MBIP: variants seen among roughly 807,000 people sequenced by gnomAD.
MBIP encodes MAP3K12-binding inhibitory protein 1.
In MBIP, 32 loss-of-function variants were observed where a neutral mutation model predicts 45.7. That is an observed-to-expected ratio of 0.70 (90% confidence interval 0.53 to 0.94). MBIP has a LOEUF of 0.94. MBIP is among the 40% of genes least tolerant of loss of function. MBIP has a pLI of 0.00. For missense variants in MBIP, 381 were observed against 405.5 expected (o/e 0.94, Z 0.52); for synonymous variants, 145 against 141.0 (o/e 1.03, Z -0.20).
chr14:36,318,636 G>C (rs1880712414), intron 1 of MBIP, among the ~76,000 whole-genome samples: 1 of 151,898 alleles, frequency 6.6e-6, no homozygotes, highest in South Asian at 2.1e-4. Flanking sequence ...AGCTTGGTAA[G>C]ATGGACCATC....
chr14:36,309,992 T>C (rs1880105924), intron 6 of MBIP, among the ~76,000 whole-genome samples: 1 of 152,222 alleles, frequency 6.6e-6, no homozygotes, highest in South Asian at 2.1e-4. Context: ...ATTTGGATTA[T>C]AAAGTCCTTG....
intron 1 of MBIP, 46 bp downstream of exon 1, chr14:36,320,414 G>A (rs966031292): frequency 6.2e-7 from 1 of 1,612,426 alleles, no homozygotes; most frequent in Non-Finnish European, 8.5e-7. Flanking sequence ...TGGCGAGGAG[G>A]GACCGGATGG....
intron 7 of MBIP, among the ~76,000 whole-genome samples, chr14:36,301,606 T>C (rs79746164): frequency 8.1e-6 from 1 of 124,090 alleles, no homozygotes; most frequent in East Asian, 2.5e-4. Context: ...AAACCTGTTT[T>C]CTCACAATTA....
chr14:36,311,754 A>G (rs773329436), intron 5 of MBIP, 29 bp from the exon 6 acceptor site: 7 of 1,543,296 alleles, frequency 4.5e-6, no homozygotes, highest in Non-Finnish European at 5.2e-6. Context: ...GAGCCTATAT[A>G]CATTTGTATT....
At chr14:36,308,300 T>A (rs1880001682) in intron 6 of MBIP, 111 bp from the exon 7 acceptor site, 2 of 606,912 alleles carry the variant, frequency 3.3e-6, no homozygotes, top group Non-Finnish European at 5.7e-6. Flanking sequence ...TGGAAAATAC[T>A]TAAGAAAATA....
chr14:36,315,080 T>C (rs2139232130), intron 2 of MBIP, 165 bp from the exon 3 acceptor site: 1 of 553,444 alleles, frequency 1.8e-6, no homozygotes, highest in South Asian at 2.7e-5. Flanking sequence ...CACATATAAG[T>C]ACTCACTATT....
Position 36,299,090 on chromosome 14 carries a change from AG to A in MBIP, c.1027del (p.Leu343PhefsTer34). On this transcript the variant is annotated frameshift_variant, in exon 9 of 9. Transcript: ENST00000416007. LOFTEE classifies it high-confidence loss of function. ...REAESMATHH[L>X]P The stretch of plus-strand genomic sequence containing the variant: ...AAGGATGAGAGGAGTTTTTCATGGA[AG>A]GTGGTGGGTTGCCATGGATTCTGCT... 1 of 1,613,258 alleles carries A rather than the reference AG, an allele frequency of 6.2e-7. No homozygotes were observed. Among genetic ancestry groups the A allele is most frequent in the Non-Finnish European group, 8.5e-7 (1 of 1,179,340 alleles).
chr14:36,309,876 T>G (rs1880099709), intron 6 of MBIP, among the ~76,000 whole-genome samples: 1 of 152,232 alleles, frequency 6.6e-6, no homozygotes, highest in South Asian at 2.1e-4. Context: ...ACTCAAGCTC[T>G]GTTCCCCACT....
rs1351449351 is a variant in MBIP, at chr14:36,299,115, C to T, written c.1003G>A (p.Ala335Thr). 3 of 1,613,662 alleles carry T rather than the reference C, an allele frequency of 1.9e-6. No homozygotes were observed. Among genetic ancestry groups the T allele is most frequent in the African/African-American group, 2.7e-5 (2 of 74,880 alleles). Residue 335 changes from alanine to threonine, a missense_variant, in exon 9 of 9, where the codon GCA becomes ACA. Physicochemically the swap from Ala to Thr is moderately conservative, Grantham distance 58. Transcript: ENST00000416007. ...AGGTGGTGGGTTGCCATGGATTCTGCTTCTCTTGATTTTCTGAGGAGGGCT... is the reference window on the plus strand; with the variant it reads ...AGGTGGTGGGTTGCCATGGATTCTGTTTCTCTTGATTTTCTGAGGAGGGCT... ...KQALLRKSREAESMATHHLP is the reference protein window; with the variant it reads ...KQALLRKSRETESMATHHLP
At chr14:36,307,015 T>C (rs1879918962) in intron 7 of MBIP, among the ~76,000 whole-genome samples, 6 of 152,252 alleles carry the variant, frequency 3.9e-5, no homozygotes, top group Admixed American at 3.9e-4. Flanking sequence ...GTTTTTACCA[T>C]GTGCTAAGCA....
intron 6 of MBIP, among the ~76,000 whole-genome samples, chr14:36,309,429 G>A (rs1016427301): frequency 6.6e-6 from 1 of 152,224 alleles, no homozygotes; most frequent in African/African-American, 2.4e-5. Context: ...AACCTAGGAA[G>A]CATCAGTTCA....
At chr14:36,303,494 C>A (rs1879694273) in intron 7 of MBIP, among the ~76,000 whole-genome samples, 1 of 152,174 alleles carries the variant, frequency 6.6e-6, no homozygotes, top group Non-Finnish European at 1.5e-5. Flanking sequence ...AGCATATAAA[C>A]CTTATGGCAT....
At chr14:36,306,022 C>T (rs995471562) in intron 7 of MBIP, among the ~76,000 whole-genome samples, 7 of 152,172 alleles carry the variant, frequency 4.6e-5, no homozygotes, top group African/African-American at 1.7e-4. Context: ...TTAGATAAAT[C>T]TTTCTAAATA....
intron 7 of MBIP, among the ~76,000 whole-genome samples, chr14:36,302,744 T>C (rs1055118044): frequency 2.0e-5 from 3 of 152,154 alleles, no homozygotes; most frequent in African/African-American, 7.2e-5. Flanking sequence ...AGAAATACCA[T>C]ATCTACCGTG....
chr14:36,312,906 T>C (rs951834509), intron 4 of MBIP, among the ~76,000 whole-genome samples: 1 of 151,486 alleles, frequency 6.6e-6, no homozygotes, highest in African/African-American at 2.4e-5. Context: ...GTAAATGAGA[T>C]TCTTTAAAAA....
chr14:36,308,687 G>A (rs893834750), intron 6 of MBIP, among the ~76,000 whole-genome samples: 9 of 152,248 alleles, frequency 5.9e-5, no homozygotes, highest in Admixed American at 3.3e-4. Flanking sequence ...ACTTTCTGAG[G>A]AGGGGAAGAG....
chr14:36,317,629 T>C (rs185652007), intron 1 of MBIP, among the ~76,000 whole-genome samples: 1 of 152,188 alleles, frequency 6.6e-6, no homozygotes, highest in East Asian at 1.9e-4. Flanking sequence ...ATAAGATTAT[T>C]ATCAAAATGA....
rs1316329553 is a variant in MBIP at position 36,314,559 on chromosome 14, T to C, written c.524A>G (p.Asn175Ser). Residue 175 changes from asparagine to serine, a missense_variant, in exon 4 of 9, where the codon AAT (asparagine) becomes AGT (serine). By Grantham distance (46) the Asn-to-Ser change is conservative. Coordinates refer to ENST00000416007, the MANE Select transcript of MBIP (RefSeq NM_016586.3). ...GCAAAATTCCCTGACGTTGTTTTCA[T>C]TGATTTCAGCTTGCTTTCTTTCAAT... Reference protein sequence around the residue: ...AFIERKQAEINENNVREFCNV... With the variant: ...AFIERKQAEISENNVREFCNV... 5 of 1,610,990 alleles carry C rather than the reference T, an allele frequency of 3.1e-6. No individual in the cohort carries two copies. The highest frequency in any genetic ancestry group is 2.2e-5 in the South Asian group (2 of 90,074).
Position 36,320,612 on chromosome 14 carries a change from C to G in MBIP, c.-24G>C, listed in dbSNP as rs766789510. The G allele has an allele frequency of 1.3e-6, 2 of 1,577,754 alleles. No homozygotes were observed. The highest frequency in any genetic ancestry group is 2.3e-5 in the South Asian group (2 of 86,094). ...ATGATATCTTCTCAGGCCGCCCCACCACCACCACCACCAAGATTTGCTCAC... is the reference window on the plus strand; with the variant it reads ...ATGATATCTTCTCAGGCCGCCCCACGACCACCACCACCAAGATTTGCTCAC... On this transcript the variant is annotated 5_prime_UTR_variant, in exon 1 of 9. Transcript: ENST00000416007.
Sources: gnomAD v4.1 joint callset for allele counts (sites outside exome capture counted in the v4.1 genomes callset) on GRCh38, gnomAD v4.1.1 for gene constraint, MANE v1.5 for transcripts, NCBI Gene and HGNC (gene_info 2026-07-23, HGNC 2026-07-21) for gene names.